Variants in CNBD1 observed in about 807,000 individuals in gnomAD.
CNBD1 encodes cyclic nucleotide binding domain containing 1.
A neutral mutation model predicts 54.4 loss-of-function variants in CNBD1; 71 were observed. The ratio of observed to expected loss-of-function variants is 1.30; its 90% CI spans 1.08 to 1.59. The LOEUF (loss-of-function observed/expected upper bound fraction) is 1.59, where lower values mean the gene tolerates loss of function less well. CNBD1 is among the 40% of genes most tolerant of loss of function. The pLI, the probability that CNBD1 is intolerant of heterozygous loss-of-function variation, is 0.00. For missense variants in CNBD1, 659 were observed against 518.0 expected (o/e 1.27, Z -2.64); for synonymous variants, 182 against 170.7 (o/e 1.07, Z -0.51).
chr8:87,005,859 C>T (rs1809088111), intron 4 of CNBD1, among the ~76,000 whole-genome samples: 1 of 152,022 alleles, frequency 6.6e-6, no homozygotes, highest in Non-Finnish European at 1.5e-5. Flanking sequence ...AGATGGGGTG[C>T]TCTATCTTTC....
rs760983058 is a variant in CNBD1 at position 87,287,187 on chromosome 8, G to A, written c.1042+516G>A. On this transcript the variant is annotated intron_variant, in intron 8 of 10. Transcript: ENST00000518476. Reference sequence around the variant, plus strand: ...GAAGCACCTACATTTTCAATATTCAGCATAGCAAGGATGCACGGATTTCCT... The same window carrying A: ...GAAGCACCTACATTTTCAATATTCAACATAGCAAGGATGCACGGATTTCCT... Among the ~76,000 whole-genome samples the A allele has an allele frequency of 5.9e-5, 9 of 152,120 alleles. No individual in the cohort carries two copies. The East Asian group carries it at 7.7e-4, about 13-fold the overall frequency.
intron 5 of CNBD1, among the ~76,000 whole-genome samples, chr8:87,230,043 G>T (rs978347002): frequency 2.0e-5 from 3 of 152,130 alleles, no homozygotes; most frequent in African/African-American, 7.2e-5. Flanking sequence ...CTTCTGGGGA[G>T]GCCTCAGGAA....
chr8:86,960,556 G>A (rs546059825), intron 4 of CNBD1, among the ~76,000 whole-genome samples: 1 of 152,176 alleles, frequency 6.6e-6, no homozygotes, highest in Non-Finnish European at 1.5e-5. Flanking sequence ...CACCTCTCGG[G>A]GCAGTGCATA....
At chr8:87,393,314 A>C (rs965641321) in intron 2 of CNBD1, among the ~76,000 whole-genome samples, 4 of 151,892 alleles carry the variant, frequency 2.6e-5, no homozygotes, top group Non-Finnish European at 5.9e-5. Context: ...CTCTTTTGAT[A>C]ATATTCTCCC....
intron 2 of CNBD1, among the ~76,000 whole-genome samples, chr8:87,420,442 A>G (rs1427544434): frequency 6.6e-6 from 1 of 152,054 alleles, no homozygotes; most frequent in African/African-American, 2.4e-5. Context: ...ATCACATGGT[A>G]TTTCTGCACC....
chr8:87,161,983 C>T (rs374222697), intron 4 of CNBD1, among the ~76,000 whole-genome samples: 2 of 152,062 alleles, frequency 1.3e-5, no homozygotes, highest in East Asian at 3.9e-4. Flanking sequence ...GATGATAATA[C>T]GATTTCATTA....
intron 4 of CNBD1, among the ~76,000 whole-genome samples, chr8:86,964,925 G>A (rs191071829): frequency 3.0e-4 from 45 of 152,174 alleles, no homozygotes; most frequent in African/African-American, 7.5e-4. Flanking sequence ...CATAAGGGAC[G>A]TTGGACTATT....
chr8:87,346,078 G>T (rs1445590000), intron 8 of CNBD1, among the ~76,000 whole-genome samples: 1 of 150,598 alleles, frequency 6.6e-6, no homozygotes, highest in Non-Finnish European at 1.5e-5. Context: ...TTTCACTCTT[G>T]TTGCCCAGGC....
At chr8:86,921,739 A>G (rs146742373) in intron 3 of CNBD1, among the ~76,000 whole-genome samples, 253 of 152,280 alleles carry the variant, frequency 1.7e-3, no homozygotes, top group Admixed American at 4.3e-3. Context: ...CCTACAACAC[A>G]TGGGAATTAT....
intron 4 of CNBD1, among the ~76,000 whole-genome samples, chr8:87,099,034 CA>C (rs11402011): frequency 0.053 from 1,208 of 22,986 alleles, 17 homozygotes; most frequent in African/African-American, 0.14. Flanking sequence ...GACTGTGTCT[CA>C]AAAAAAAAAA....
At chr8:87,307,737 C>A (rs1417337802) in intron 8 of CNBD1, among the ~76,000 whole-genome samples, 25 of 135,818 alleles carry the variant, frequency 1.8e-4, no homozygotes, top group South Asian at 2.3e-4. Context: ...AACTCCGTCT[C>A]AAAAAAAAAA....
chr8:87,267,349 C>T (rs1011158343), intron 6 of CNBD1, among the ~76,000 whole-genome samples: 50 of 151,820 alleles, frequency 3.3e-4, no homozygotes, highest in Admixed American at 1.4e-3. Flanking sequence ...ATTTCTTACA[C>T]CAAATTGGCA....
rs546079051 is a variant in CNBD1, at chr8:87,352,600, A to T, written c.1152+806A>T. On this transcript the variant is annotated intron_variant, in intron 9 of 10. Transcript: ENST00000518476. ...GTATATTTATACTATGAAATGCCAC[A>T]TAGCAGTAAAAATAATTATGGATAC... Among the ~76,000 whole-genome samples the T allele has an allele frequency of 7.0e-4, 107 of 152,300 alleles. 1 individual carries two copies. Among genetic ancestry groups the T allele is most frequent in the African/African-American group, 2.5e-3 (105 of 41,582 alleles).
chr8:87,343,257 A>T (rs112773470), intron 8 of CNBD1, among the ~76,000 whole-genome samples: 2,244 of 152,254 alleles, frequency 0.015, 54 homozygotes, highest in African/African-American at 0.048. Flanking sequence ...GTTCAAACAC[A>T]CATGTTTTAC....
intron 1 of CNBD1, among the ~76,000 whole-genome samples, chr8:86,883,589 G>GT (rs1808635073): frequency 6.6e-6 from 1 of 151,984 alleles, no homozygotes; most frequent in Non-Finnish European, 1.5e-5. Context: ...AGGAGAGAAT[G>GT]GTGTCACAAA....
At chr8:87,149,303 A>T (rs1234261266) in intron 4 of CNBD1, among the ~76,000 whole-genome samples, 1 of 152,192 alleles carries the variant, frequency 6.6e-6, no homozygotes, top group Non-Finnish European at 1.5e-5. Flanking sequence ...TGGATTGAGG[A>T]TTATAGTCAG....
intron 10 of CNBD1, among the ~76,000 whole-genome samples, chr8:87,354,971 G>A (rs1021171758): frequency 1.3e-5 from 2 of 152,162 alleles, no homozygotes; most frequent in East Asian, 1.9e-4. Context: ...AAACCACAAT[G>A]AGATACCATC....
At chr8:86,981,920 T>C (rs2130510154) in intron 4 of CNBD1, among the ~76,000 whole-genome samples, 2 of 152,330 alleles carry the variant, frequency 1.3e-5, no homozygotes, top group Middle Eastern at 6.8e-3. Flanking sequence ...GTACTCTGGG[T>C]TAACACACAG....
chr8:87,310,132 A>C (rs776948695), intron 8 of CNBD1, among the ~76,000 whole-genome samples: 9 of 152,096 alleles, frequency 5.9e-5, no homozygotes, highest in Non-Finnish European at 1.2e-4. Context: ...AAGTGAGAGG[A>C]TCACTTGAGC....
Sources: gnomAD v4.1 joint callset for allele counts (sites outside exome capture counted in the v4.1 genomes callset) on GRCh38, gnomAD v4.1.1 for gene constraint, MANE v1.5 for transcripts, NCBI Gene and HGNC (gene_info 2026-07-23, HGNC 2026-07-21) for gene names.